Variants in EZH2 observed in about 807,000 individuals in gnomAD.
EZH2 encodes enhancer of zeste 2 polycomb repressive complex 2 subunit.
Under a neutral mutation model 98.4 loss-of-function variants are expected in EZH2, and 18 were observed. The observed-to-expected ratio is 0.18, with a 90% CI of 0.13 to 0.27. The LOEUF is 0.27. Among genes scored for constraint, EZH2 ranks in the 10% least tolerant of loss-of-function variants. EZH2 has a pLI of 1.00. For missense variants in EZH2, 470 were observed against 935.1 expected, an observed-to-expected ratio of 0.50 and a Z score of 6.49; for synonymous variants, 338 against 312.3, an observed-to-expected ratio of 1.08 and a Z score of -0.87.
intron 1 of EZH2, among the ~76,000 whole-genome samples, chr7:148,881,303 CA>C (rs1820919856): frequency 6.6e-6 from 1 of 152,176 alleles, no homozygotes; most frequent in African/African-American, 2.4e-5. Context: ...CACACTACCT[CA>C]AAAGAAGGAA....
rs766002406 is a variant in EZH2 at position 148,828,731 on chromosome 7, C to T, written c.625+9G>A. ...AATGGCTACACAGAATCCTAATAAT[C>T]AGGCATACCATCTCGGTGATCCTCC... On this transcript the variant is annotated intron_variant, in intron 6 of 19. Transcript: ENST00000320356. 3 of 1,609,772 alleles carry T rather than the reference C, an allele frequency of 1.9e-6. No individual in the cohort carries two copies. Among genetic ancestry groups the T allele is most frequent in the Non-Finnish European group, 2.5e-6 (3 of 1,179,180 alleles).
intron 1 of EZH2, among the ~76,000 whole-genome samples, chr7:148,851,483 C>T (rs1161511908): frequency 1.3e-5 from 2 of 152,160 alleles, no homozygotes; most frequent in Non-Finnish European, 2.9e-5. Context: ...ACCTCCTTCC[C>T]CCACAACAAA....
chr7:148,854,430 C>A, intron 1 of EZH2, among the ~76,000 whole-genome samples: 1 of 140,556 alleles, frequency 7.1e-6, no homozygotes, highest in African/African-American at 2.6e-5. Flanking sequence ...AGTGAGACTC[C>A]GTCTCAAAAA....
At chr7:148,810,979 C>T (rs907292702) in intron 16 of EZH2, among the ~76,000 whole-genome samples, 1 of 150,998 alleles carries the variant, frequency 6.6e-6, no homozygotes, top group Non-Finnish European at 1.5e-5. Flanking sequence ...GTAACACTGT[C>T]GACAATTTAA....
chr7:148,883,786 C>G (rs969086748), intron 1 of EZH2, among the ~76,000 whole-genome samples: 1 of 151,812 alleles, frequency 6.6e-6, no homozygotes, highest in Non-Finnish European at 1.5e-5. Flanking sequence ...CCGCGCCACA[C>G]AAAGGAGACT....
chr7:148,877,821 T>C (rs931104265), intron 1 of EZH2, among the ~76,000 whole-genome samples: 5 of 152,244 alleles, frequency 3.3e-5, no homozygotes, highest in South Asian at 2.1e-4. Context: ...ACTTTCTGAA[T>C]GATTCAAATA....
At chr7:148,820,453 T>G (rs1323540474) in intron 8 of EZH2, among the ~76,000 whole-genome samples, 2 of 149,322 alleles carry the variant, frequency 1.3e-5, no homozygotes, top group African/African-American at 5.0e-5. Flanking sequence ...TTATACAAGA[T>G]GAAAATTAAT....
chr7:148,872,255 T>C (rs1049866004), intron 1 of EZH2, among the ~76,000 whole-genome samples: 6 of 152,148 alleles, frequency 3.9e-5, no homozygotes, highest in Non-Finnish European at 7.3e-5. Context: ...TACTGTTTAA[T>C]CCCATGCATG....
intron 1 of EZH2, among the ~76,000 whole-genome samples, chr7:148,860,242 ACAC>A (rs1817468640): frequency 6.6e-6 from 1 of 152,180 alleles, no homozygotes; most frequent in African/African-American, 2.4e-5. Context: ...AGTTTGAAAA[ACAC>A]CACATGAGAA....
chr7:148,881,697 G>A (rs1319858843), intron 1 of EZH2, among the ~76,000 whole-genome samples: 1 of 152,100 alleles, frequency 6.6e-6, no homozygotes, highest in Non-Finnish European at 1.5e-5. Context: ...ATTTTGGGAG[G>A]CGGAGGCGGG....
intron 1 of EZH2, among the ~76,000 whole-genome samples, chr7:148,861,556 C>T (rs1336574741): frequency 1.3e-5 from 2 of 152,108 alleles, no homozygotes; most frequent in East Asian, 3.9e-4. Flanking sequence ...CTTTTTTCCA[C>T]AAGTATTTTT....
intron 1 of EZH2, among the ~76,000 whole-genome samples, chr7:148,866,611 A>T (rs1310132803): frequency 6.9e-6 from 1 of 144,158 alleles, no homozygotes; most frequent in African/African-American, 2.6e-5. Flanking sequence ...TATTATATAT[A>T]ATATATATGC....
chr7:148,822,646 C>G (rs1472764741), intron 8 of EZH2, among the ~76,000 whole-genome samples: 3 of 150,362 alleles, frequency 2.0e-5, no homozygotes, highest in African/African-American at 7.3e-5. Context: ...TCTATGAGAC[C>G]AAGAATAAAA....
chr7:148,814,787 G>T, intron 14 of EZH2, 127 bp downstream of exon 14: 1 of 1,184,516 alleles, frequency 8.4e-7, no homozygotes, highest in Non-Finnish European at 1.1e-6. Flanking sequence ...ATAAATACTT[G>T]TCAAATTGAT....
At chr7:148,862,684 TGCA>T (rs1197736105) in intron 1 of EZH2, among the ~76,000 whole-genome samples, 2 of 152,192 alleles carry the variant, frequency 1.3e-5, no homozygotes, top group Non-Finnish European at 2.9e-5. Flanking sequence ...TACCTCAATA[TGCA>T]GCAGAAGCAC....
At chr7:148,837,859 A>G (rs1050258469) in intron 3 of EZH2, among the ~76,000 whole-genome samples, 1 of 152,216 alleles carries the variant, frequency 6.6e-6, no homozygotes, top group Non-Finnish European at 1.5e-5. Context: ...CAGATTGTAA[A>G]TTATTTCAGT....
intron 1 of EZH2, among the ~76,000 whole-genome samples, chr7:148,868,449 C>CTCACGAGAACTCACTG (rs374883025): frequency 3.9e-4 from 60 of 152,236 alleles, no homozygotes; most frequent in South Asian, 8.3e-4. Context: ...ACAACCAGAT[C>CTCACGAGAACTCACTG]TCACGAGAAC....
At chr7:148,866,693 T>TATAC (rs1378990430) in intron 1 of EZH2, among the ~76,000 whole-genome samples, 2 of 144,032 alleles carry the variant, frequency 1.4e-5, no homozygotes, top group South Asian at 4.2e-4. Flanking sequence ...TGCATATATA[T>TATAC]ATACATATAT....
At chr7:148,841,921 G>A (rs1485228971) in intron 3 of EZH2, among the ~76,000 whole-genome samples, 1 of 152,090 alleles carries the variant, frequency 6.6e-6, no homozygotes, top group Non-Finnish European at 1.5e-5. Context: ...AATATCAAAT[G>A]CTAAGCAATG....
Sources: gnomAD v4.1 joint callset for allele counts (sites outside exome capture counted in the v4.1 genomes callset) on GRCh38, gnomAD v4.1.1 for gene constraint, MANE v1.5 for transcripts, NCBI Gene and HGNC (gene_info 2026-07-23, HGNC 2026-07-21) for gene names.